Variants in DDX1 observed in about 807,000 individuals in gnomAD.
DDX1 encodes ATP-dependent RNA helicase DDX1.
In DDX1, 28 loss-of-function variants were observed where a neutral mutation model predicts 108.7. The ratio of observed to expected loss-of-function variants is 0.26; its 90% CI spans 0.19 to 0.35. The LOEUF is 0.35. Among genes scored for constraint, DDX1 ranks in the 10% least tolerant of loss-of-function variants. The pLI, the probability that DDX1 is intolerant of heterozygous loss-of-function variation, is 1.00. For missense variants in DDX1, 710 were observed against 884.5 expected, an observed-to-expected ratio of 0.80 and a Z score of 2.50; for synonymous variants, 295 against 288.9, an observed-to-expected ratio of 1.02 and a Z score of -0.21.
chr2:15,602,489 A>C, intron 6 of DDX1, 59 bp from the exon 7 acceptor site: 2 of 1,202,964 alleles, frequency 1.7e-6, no homozygotes, highest in Non-Finnish European at 2.5e-6. Flanking sequence ...GGGGGTGGGA[A>C]TGTATGATTT....
Position 15,628,703 on chromosome 2 carries a change from G to A in DDX1, c.1825G>A (p.Ala609Thr). The A allele has an allele frequency of 6.2e-7, 1 of 1,611,698 alleles. No homozygotes were observed. The highest frequency in any genetic ancestry group is 8.5e-7 in the Non-Finnish European group (1 of 1,179,552). Residue 609 changes from alanine to threonine, a missense_variant, in exon 22 of 26, where the codon GCT (alanine) becomes ACT (threonine). Ala to Thr is a moderately conservative substitution (Grantham distance 58). This residue lies in a region of DDX1 where 661 missense variants were observed against 810.2 expected (regional missense o/e 0.82). Transcript: ENST00000233084. ...YVHRIGRVGR[A>T]ERMGLAISLV... Reference sequence around the variant, plus strand: ...ACATCGAATTGGCAGAGTAGGAAGAGCTGAAAGGTACTTCTGCAATTTTTT... The same window carrying A: ...ACATCGAATTGGCAGAGTAGGAAGAACTGAAAGGTACTTCTGCAATTTTTT...
intron 1 of DDX1, 91 bp downstream of exon 1, chr2:15,592,040 G>A (rs1005978761): frequency 1.1e-4 from 138 of 1,208,028 alleles, no homozygotes; most frequent in Non-Finnish European, 1.4e-4. Context: ...GGGCGGGAGC[G>A]GACAGGGGTC....
chr2:15,604,444 C>T lies in DDX1; in HGVS notation c.560C>T (p.Thr187Ile). Residue 187 changes from threonine to isoleucine, a missense_variant, in exon 10 of 26, where the codon ACT (threonine) becomes ATT (isoleucine). Physicochemically the swap from Thr to Ile is moderately conservative, Grantham distance 89 (BLOSUM62 -1). Transcript: ENST00000233084. Reference sequence around the variant, plus strand: ...GACTTTCTGGTGTTCTAGGAATTCACTATGCATGATACCATTGGATGTTAC... The same window carrying T: ...GACTTTCTGGTGTTCTAGGAATTCATTATGCATGATACCATTGGATGTTAC... ...KQFDNYGEEF[T>I]MHDTIGCYLD... 1 of 1,606,790 alleles carries T rather than the reference C, an allele frequency of 6.2e-7. No homozygotes were observed. The highest frequency in any genetic ancestry group is 1.3e-5 in the African/African-American group (1 of 74,886).
chr2:15,604,644 G>C (rs1025677951), intron 10 of DDX1, 135 bp downstream of exon 10: 27 of 639,376 alleles, frequency 4.2e-5, no homozygotes, highest in Admixed American at 9.9e-5. Flanking sequence ...TATTTATTGA[G>C]CATTGACTAT....
intron 13 of DDX1, among the ~76,000 whole-genome samples, chr2:15,612,733 G>A (rs1420766664): frequency 1.3e-5 from 2 of 152,196 alleles, no homozygotes; most frequent in East Asian, 1.9e-4. Flanking sequence ...CACTGAGTGA[G>A]GGAGACTCCG....
intron 13 of DDX1, among the ~76,000 whole-genome samples, chr2:15,612,663 A>C (rs528373314): frequency 2.0e-5 from 3 of 152,034 alleles, no homozygotes; most frequent in Non-Finnish European, 4.4e-5. Flanking sequence ...GGCGGCTGGG[A>C]GGTGGAGGTT....
rs780073376 is a variant in DDX1, at chr2:15,629,710, G to C, written c.1971+13G>C. The stretch of plus-strand genomic sequence containing the variant: ...CAACGAGATGCAGGTAAGACTTCGA[G>C]TTAGGCTCACAAATAATGTATTAAA... On this transcript the variant is annotated intron_variant, in intron 24 of 25. Coordinates refer to ENST00000233084, the MANE Select transcript of DDX1 (RefSeq NM_004939.3). 6.6e-7 allele frequency: 1 copy of C among 1,523,154 alleles called. No individual in the cohort carries two copies. The highest frequency in any genetic ancestry group is 2.4e-5 in the Admixed American group (1 of 42,100). 94.4% of individuals were successfully genotyped at this position (1,523,154 alleles called of 1,614,324 possible).
At chr2:15,607,609 C>T (rs140650656) in intron 13 of DDX1, among the ~76,000 whole-genome samples, 2 of 151,886 alleles carry the variant, frequency 1.3e-5, no homozygotes, top group African/African-American at 2.4e-5. Flanking sequence ...TTTCTGAGAC[C>T]GGGATCTCAA....
chr2:15,618,284 C>T lies in DDX1; in HGVS notation c.1206+14C>T. 1 of 1,318,330 alleles carries T rather than the reference C, an allele frequency of 7.6e-7. No individual in the cohort carries two copies. The highest frequency in any genetic ancestry group is 1.1e-6 in the Non-Finnish European group (1 of 919,822). 81.7% of individuals were successfully genotyped at this position (1,318,330 alleles called of 1,614,324 possible). On this transcript the variant is annotated intron_variant, in intron 16 of 25. Transcript: ENST00000233084. ...AAAAGACTTCAGGTATAAAATTTATCAATGCATCTTAAAATGCATGTAAAC... is the reference window on the plus strand; with the variant it reads ...AAAAGACTTCAGGTATAAAATTTATTAATGCATCTTAAAATGCATGTAAAC...
intron 18 of DDX1, among the ~76,000 whole-genome samples, chr2:15,622,625 T>G (rs1490727103): frequency 1.3e-5 from 2 of 152,230 alleles, no homozygotes; most frequent in African/African-American, 2.4e-5. Context: ...GAACTCAGTT[T>G]TATATGTAGG....
chr2:15,606,365 T>C, intron 12 of DDX1, 101 bp downstream of exon 12: 1 of 769,556 alleles, frequency 1.3e-6, no homozygotes, highest in Non-Finnish European at 2.1e-6. Context: ...ATACTTTCCT[T>C]GCTGGTTTAG....
chr2:15,606,985 G>C (rs1010513613), intron 12 of DDX1, among the ~76,000 whole-genome samples, 190 bp from the exon 13 acceptor site: 14 of 152,204 alleles, frequency 9.2e-5, no homozygotes, highest in African/African-American at 3.1e-4. Context: ...CACCCCACCA[G>C]CCCAAATAGT....
chr2:15,597,534 G>T, intron 5 of DDX1, 63 bp downstream of exon 5: 4 of 1,105,494 alleles, frequency 3.6e-6, no homozygotes, highest in Non-Finnish European at 5.4e-6. Flanking sequence ...CTGACAGTTA[G>T]GAAAGTGAGA....
At position 15,602,541 on chromosome 2, in the gene DDX1, A is replaced by T. The variant is rs1368846057; in HGVS notation, c.308-7A>T. 3.1e-6 allele frequency: 5 copies of T among 1,611,596 alleles called. No homozygotes were observed. The highest frequency in any genetic ancestry group is 4.2e-6 in the Non-Finnish European group (5 of 1,177,722). On this transcript the variant is annotated splice_polypyrimidine_tract_variant and splice_region_variant and intron_variant, in intron 6 of 25. Coordinates refer to ENST00000233084, the MANE Select transcript of DDX1 (RefSeq NM_004939.3). ...CGTGTTTTTCTGTGTTTTCTTCTCAAATCCAGCAATTGGGTCAGATGGTCT... is the reference window on the plus strand; with the variant it reads ...CGTGTTTTTCTGTGTTTTCTTCTCATATCCAGCAATTGGGTCAGATGGTCT...
Position 15,630,834 on chromosome 2 carries a change from C to A in DDX1, c.2151C>A (p.Ala717=), listed in dbSNP as rs1666183054. The part of the protein sequence containing the change: ...ILAPTVQELA[A]LEKEAQTSFL... ...CACCTACTGTTCAAGAGTTGGCTGC[C>A]CTTGAAAAGGAGGCGCAGACATCTT... is the stretch of plus-strand genomic sequence containing the variant. Residue 717 remains alanine (A), a synonymous_variant, in exon 26 of 26, where the codon GCC becomes GCA. Transcript: ENST00000233084. 1 of 1,613,986 alleles carries A rather than the reference C, an allele frequency of 6.2e-7. No individual in the cohort carries two copies. Among genetic ancestry groups the A allele is most frequent in the East Asian group, 2.2e-5 (1 of 44,880 alleles).
rs115490929 is a variant in DDX1, at chr2:15,604,693, A to C, written c.625+184A>C. Reference sequence around the variant, plus strand: ...TGGTAAGTACTGGAGGCACAGAAGAAAATGGAATAGACATTTGGGGCTTAC... The same window carrying C: ...TGGTAAGTACTGGAGGCACAGAAGACAATGGAATAGACATTTGGGGCTTAC... On this transcript the variant is annotated intron_variant, in intron 10 of 25. Transcript: ENST00000233084. Among the ~76,000 whole-genome samples the C allele has an allele frequency of 5.3e-3, 807 of 152,346 alleles. 7 individuals are homozygous for C. Among genetic ancestry groups the C allele is most frequent in the African/African-American group, 0.019 (778 of 41,572 alleles).
At chr2:15,620,421 T>A in intron 17 of DDX1, 25 bp downstream of exon 17, 1 of 1,571,636 alleles carries the variant, frequency 6.4e-7, no homozygotes, top group Non-Finnish European at 8.6e-7. Context: ...ATATTAACAT[T>A]TATGTAGAAT....
intron 13 of DDX1, 80 bp from the exon 14 acceptor site, chr2:15,613,144 A>G: frequency 1.0e-6 from 1 of 953,580 alleles, no homozygotes; most frequent in South Asian, 1.8e-5. Flanking sequence ...TCCACCTAAA[A>G]TAAATGGATG....
chr2:15,602,485 G>A (rs982089271), intron 6 of DDX1, 63 bp from the exon 7 acceptor site: 48 of 1,162,700 alleles, frequency 4.1e-5, no homozygotes, highest in African/African-American at 7.6e-5. Context: ...GGTAGGGGGT[G>A]GGAATGTATG....
Sources: allele counts gnomAD v4.1 joint callset (sites outside exome capture counted in the v4.1 genomes callset), GRCh38; gene constraint gnomAD v4.1.1; regional missense constraint gnomAD v4.1.1; transcripts MANE v1.5; gene names NCBI Gene and HGNC (gene_info 2026-07-23, HGNC 2026-07-21).